The following NEK1 variants were observed in gnomAD, a reference collection of about 807,000 sequenced individuals.
NEK1 encodes the protein NIMA related kinase 1.
A neutral mutation model predicts 182.1 loss-of-function variants in NEK1; 137 were observed. The observed-to-expected ratio is 0.75, with a 90% CI of 0.65 to 0.87. The LOEUF is 0.87. Ranked by LOEUF, NEK1 falls within the 40% of genes least tolerant of loss-of-function variation. The probability of loss-of-function intolerance (pLI) is 0.00; values close to 1 mark genes in which losing one functional copy is unlikely to be tolerated. For missense variants in NEK1, 1,391 were observed against 1,494.4 expected (o/e 0.93, Z 1.14); for synonymous variants, 513 against 492.2 (o/e 1.04, Z -0.56).
chr4:169,528,951 A>G (rs1757284026), intron 19 of NEK1, among the ~76,000 whole-genome samples: 1 of 152,216 alleles, frequency 6.6e-6, no homozygotes, highest in Non-Finnish European at 1.5e-5. Context: ...ATAAAACCAG[A>G]AAACGACAAC....
chr4:169,459,808 T>C (rs920231227), intron 27 of NEK1, among the ~76,000 whole-genome samples: 2 of 152,158 alleles, frequency 1.3e-5, no homozygotes, highest in African/African-American at 4.8e-5. Context: ...TGAGTCCAAT[T>C]ACATGACATT....
At chr4:169,436,413 G>C (rs1174793752) in intron 28 of NEK1, among the ~76,000 whole-genome samples, 1 of 152,158 alleles carries the variant, frequency 6.6e-6, no homozygotes, top group East Asian at 1.9e-4. Flanking sequence ...ACTGGAGGCT[G>C]AAGAAAAGGG....
chr4:169,540,868 T>C (rs1367060098), intron 18 of NEK1, among the ~76,000 whole-genome samples: 3 of 151,804 alleles, frequency 2.0e-5, no homozygotes, highest in Non-Finnish European at 4.4e-5. Context: ...AAGACAAACT[T>C]TCCTTTTTTT....
chr4:169,449,226 G>A (rs1741222100), intron 27 of NEK1, among the ~76,000 whole-genome samples: 1 of 152,276 alleles, frequency 6.6e-6, no homozygotes, highest in South Asian at 2.1e-4. Context: ...TCTGTGGGCA[G>A]GGCATAGCTG....
Position 169,463,427 on chromosome 4 carries a change from C to CAA in NEK1, c.2435-34_2435-33dup, listed in dbSNP as rs1451419272. ...GAAAAATATACAAAGAAACAATTTTCAATAACAGTATAATAATACTGCATG... is the reference window on the plus strand; with the variant it reads ...GAAAAATATACAAAGAAACAATTTTCAAAATAACAGTATAATAATACTGCATG... On this transcript the variant is annotated intron_variant, in intron 26 of 35. Transcript: ENST00000507142. 2.0e-6 allele frequency: 3 copies of CAA among 1,529,758 alleles called. No homozygotes were observed. The Admixed American group carries it at 5.3e-5, about 27-fold the overall frequency. The allele number at this position is 1,529,758 out of a possible 1,614,324, so 94.8% of individuals were successfully genotyped here. A position where few individuals can be genotyped will look rare whatever the true frequency, so the allele number is the denominator to read the frequency against.
At position 169,526,198 on chromosome 4, in the gene NEK1, A is replaced by G. The variant is rs1271335937; in HGVS notation, c.1665+11611T>C. Among the ~76,000 whole-genome samples the G allele has an allele frequency of 3.3e-5, 5 of 152,324 alleles. No homozygotes were observed. In the East Asian group the frequency reaches 7.7e-4, roughly 23 times the overall value. ...TACAGGGAAAATTTTAAATTCATCA[A>G]AAAGCATGAGACCAGTCACAATGGG... On this transcript the variant is annotated intron_variant, in intron 19 of 35. Transcript: ENST00000507142.
At chr4:169,432,788 A>C (rs891805364) in intron 29 of NEK1, among the ~76,000 whole-genome samples, 2 of 152,148 alleles carry the variant, frequency 1.3e-5, no homozygotes, top group Admixed American at 1.3e-4. Flanking sequence ...TAATTAATTA[A>C]TTAATTTGAG....
At chr4:169,466,623 T>C (rs1286574248) in intron 26 of NEK1, among the ~76,000 whole-genome samples, 1 of 152,050 alleles carries the variant, frequency 6.6e-6, no homozygotes, top group East Asian at 1.9e-4. Flanking sequence ...CAAACATTTG[T>C]ATGTCTTTAA....
chr4:169,418,462 G>T (rs937691760), intron 31 of NEK1, among the ~76,000 whole-genome samples: 2 of 152,110 alleles, frequency 1.3e-5, no homozygotes, highest in African/African-American at 4.8e-5. Context: ...AACAGAAGAA[G>T]ATACAGAGAT....
In NEK1 at chr4:169,531,710, T is replaced by C. The variant is rs144301270; in HGVS notation, c.1665+6099A>G. Among the ~76,000 whole-genome samples the C allele has an allele frequency of 2.9e-3, 449 of 152,244 alleles. 1 individual carries two copies. The highest frequency in any genetic ancestry group is 0.017 in the Middle Eastern group (5 of 294). Reference sequence around the variant, plus strand: ...CTCCAGCAGTGTTCAGAAGTCTAAGTGTAGTAACAGTCACTAGTTCAGTTA... The same window carrying C: ...CTCCAGCAGTGTTCAGAAGTCTAAGCGTAGTAACAGTCACTAGTTCAGTTA... On this transcript the variant is annotated intron_variant, in intron 19 of 35. Coordinates refer to ENST00000507142, the MANE Select transcript of NEK1 (RefSeq NM_001199397.3).
rs375121050 is a variant in NEK1 at position 169,476,309 on chromosome 4, T to C, written c.2434+815A>G. 2.0e-5 allele frequency among the ~76,000 whole-genome samples: 3 copies of C among 152,142 alleles called. No individual in the cohort carries two copies. In the East Asian group the frequency reaches 5.8e-4, roughly 29 times the overall value. ...TCTCTTATGTATTCCTGCAGTAGTC[T>C]ATGATTATTCCTAGCACAGTATTTA... On this transcript the variant is annotated intron_variant, in intron 26 of 35. Transcript: ENST00000507142.
intron 5 of NEK1, among the ~76,000 whole-genome samples, chr4:169,596,843 C>T (rs764917295): frequency 4.6e-5 from 7 of 152,114 alleles, no homozygotes; most frequent in Non-Finnish European, 8.8e-5. Flanking sequence ...ACAGAACTTG[C>T]TATTCAGAAG....
chr4:169,577,129 CTT>C, intron 11 of NEK1, 50 bp from the exon 12 acceptor site: 1 of 1,564,086 alleles, frequency 6.4e-7, no homozygotes, highest in Non-Finnish European at 8.8e-7. Context: ...TACATTAACT[CTT>C]TACTTTCAGA....
intron 19 of NEK1, among the ~76,000 whole-genome samples, chr4:169,515,675 C>G (rs1160629930): frequency 2.0e-5 from 2 of 98,836 alleles, no homozygotes; most frequent in African/African-American, 7.9e-5. Flanking sequence ...ACCACAGTCC[C>G]CAGAGTGTGA....
intron 23 of NEK1, among the ~76,000 whole-genome samples, chr4:169,483,676 C>A (rs1580084941): frequency 6.6e-6 from 1 of 151,994 alleles, no homozygotes; most frequent in Middle Eastern, 3.4e-3. Flanking sequence ...ACCAGTCTGG[C>A]CATCATGGTG....
At chr4:169,476,208 T>G (rs1746914209) in intron 26 of NEK1, among the ~76,000 whole-genome samples, 1 of 152,076 alleles carries the variant, frequency 6.6e-6, no homozygotes. Context: ...CACCCAAATC[T>G]CATCTCAAAT....
At chr4:169,598,019 T>G (rs1472463082) in intron 5 of NEK1, among the ~76,000 whole-genome samples, 1 of 152,152 alleles carries the variant, frequency 6.6e-6, no homozygotes, top group Non-Finnish European at 1.5e-5. Context: ...TATGTACATG[T>G]GTTAAGTATG....
chr4:169,538,371 G>A (rs1278595835), intron 18 of NEK1, among the ~76,000 whole-genome samples: 1 of 152,150 alleles, frequency 6.6e-6, no homozygotes, highest in East Asian at 1.9e-4. Flanking sequence ...CAAAAATACA[G>A]TAAAAAGCTA....
At chr4:169,479,081 T>G (rs1157095179) in intron 24 of NEK1, among the ~76,000 whole-genome samples, 1 of 152,134 alleles carries the variant, frequency 6.6e-6, no homozygotes, top group African/African-American at 2.4e-5. Flanking sequence ...AAGTGAACAT[T>G]TGTTAATCAT....
Sources: allele counts gnomAD v4.1 joint callset (sites outside exome capture counted in the v4.1 genomes callset), GRCh38; gene constraint gnomAD v4.1.1; transcripts MANE v1.5; gene names NCBI Gene and HGNC (gene_info 2026-07-23, HGNC 2026-07-21).